Variants in RYR3 observed in about 807,000 individuals in gnomAD.
RYR3 encodes brain ryanodine receptor-calcium release channel.
RYR3 carries 207 observed loss-of-function variants against 584.3 expected under a neutral mutation model. The observed-to-expected ratio is 0.35, with a 90% CI of 0.32 to 0.40. The LOEUF (loss-of-function observed/expected upper bound fraction) is 0.40. Among genes scored for constraint, RYR3 ranks in the 10% least tolerant of loss-of-function variants. The probability of loss-of-function intolerance (pLI) is 1.00; values close to 1 mark genes in which losing one functional copy is unlikely to be tolerated. For missense variants in RYR3, 5,616 were observed against 6,089.2 expected, an observed-to-expected ratio of 0.92 and a Z score of 2.59; for synonymous variants, 2,416 against 2,248.5, an observed-to-expected ratio of 1.07 and a Z score of -2.11.
rs267604156 is a variant in RYR3 at position 33,543,622 on chromosome 15, G to A, written c.647G>A (p.Gly216Glu). The A allele has an allele frequency of 1.3e-6, 2 of 1,585,192 alleles. No homozygotes were observed. Among genetic ancestry groups the A allele is most frequent in the Non-Finnish European group, 1.7e-6 (2 of 1,153,838 alleles). The change falls in exon 8 of 104, where the codon GGA becomes GAA. Residue 216 changes from glycine (G) to glutamate (E), a missense_variant and splice_region_variant. This residue lies in a region of RYR3 where 1,284 missense variants were observed against 1,344.6 expected (regional missense o/e 0.95). Transcript: ENST00000634891. ...ACAGTAGAATATAATTCTCTTACAGGATACCTACTTGGTGGGCATGTAGTA... is the reference window on the plus strand; with the variant it reads ...ACAGTAGAATATAATTCTCTTACAGAATACCTACTTGGTGGGCATGTAGTA... ...PTCSGSSIEE[G>E]YLLGGHVVRL...
chr15:33,654,696 A>T (rs2062719753), intron 32 of RYR3, among the ~76,000 whole-genome samples: 1 of 152,134 alleles, frequency 6.6e-6, no homozygotes, highest in African/African-American at 2.4e-5. Flanking sequence ...TAGATAGGAA[A>T]TGGGGAGCCA....
At chr15:33,348,111 A>G (rs1322229592) in intron 1 of RYR3, among the ~76,000 whole-genome samples, 1 of 152,182 alleles carries the variant, frequency 6.6e-6, no homozygotes, top group Non-Finnish European at 1.5e-5. Flanking sequence ...ATACATTATC[A>G]CATGGATTAT....
At chr15:33,338,008 G>A (rs1446788550) in intron 1 of RYR3, among the ~76,000 whole-genome samples, 1 of 144,366 alleles carries the variant, frequency 6.9e-6, no homozygotes, top group Non-Finnish European at 1.5e-5. Context: ...GCAGTGGCGC[G>A]ATCTTGGCTC....
chr15:33,671,908 G>A (rs186975930), intron 38 of RYR3, among the ~76,000 whole-genome samples: 6 of 146,052 alleles, frequency 4.1e-5, no homozygotes, highest in Admixed American at 2.8e-4. Context: ...TCCACCTCAC[G>A]GTTCAAGCGA....
At chr15:33,854,489 G>C (rs779211749) in intron 97 of RYR3, 40 bp downstream of exon 97, 23 of 1,487,638 alleles carry the variant, frequency 1.5e-5, no homozygotes, top group Middle Eastern at 1.7e-4. Flanking sequence ...CTATACCCCA[G>C]TTCAGGGATG....
intron 1 of RYR3, among the ~76,000 whole-genome samples, chr15:33,440,142 T>A (rs1359243490): frequency 6.6e-6 from 1 of 151,996 alleles, no homozygotes; most frequent in Non-Finnish European, 1.5e-5. Flanking sequence ...TAAAAATTAA[T>A]GGGGCATAGC....
At chr15:33,599,765 C>T (rs569424374) in intron 16 of RYR3, among the ~76,000 whole-genome samples, 13 of 152,312 alleles carry the variant, frequency 8.5e-5, no homozygotes, top group African/African-American at 2.6e-4. Context: ...TATCTCCATT[C>T]CCCAGTTTTA....
intron 8 of RYR3, among the ~76,000 whole-genome samples, chr15:33,545,768 C>T (rs2056191287): frequency 6.6e-6 from 1 of 152,132 alleles, no homozygotes; most frequent in Non-Finnish European, 1.5e-5. Context: ...GAATAGGAAA[C>T]AGCACACTAA....
At chr15:33,565,001 AGAAT>A in intron 11 of RYR3, among the ~76,000 whole-genome samples, 1 of 152,338 alleles carries the variant, frequency 6.6e-6, no homozygotes, top group South Asian at 2.1e-4. Flanking sequence ...GAGCACAAAC[AGAAT>A]GAAACACCTG....
chr15:33,669,857 G>T (rs11638253), intron 37 of RYR3, among the ~76,000 whole-genome samples: 14,046 of 60,246 alleles, frequency 0.23, 3,044 homozygotes, highest in East Asian at 0.39. Flanking sequence ...GGGGGGGGGG[G>T]GTGTGGGTGT....
intron 38 of RYR3, among the ~76,000 whole-genome samples, chr15:33,686,851 C>G (rs1057156360): frequency 6.6e-6 from 1 of 152,138 alleles, no homozygotes; most frequent in African/African-American, 2.4e-5. Flanking sequence ...TGCAGAAAAG[C>G]CTTCGACAAA....
chr15:33,464,960 C>G (rs2048368056), intron 1 of RYR3, among the ~76,000 whole-genome samples: 1 of 152,156 alleles, frequency 6.6e-6, no homozygotes, highest in African/African-American at 2.4e-5. Context: ...TATTTAAGAT[C>G]CCATAAAAAG....
chr15:33,593,611 G>A lies in RYR3; in HGVS notation c.1788+7495G>A, dbSNP rs115743108. Among the ~76,000 whole-genome samples the A allele has an allele frequency of 5.5e-3, 844 of 152,246 alleles. 8 individuals are homozygous for A. Among genetic ancestry groups the A allele is most frequent in the African/African-American group, 0.019 (797 of 41,542 alleles). ...AAGTTGTCTGGCTTCGGTACACAGG[G>A]TTTTAAGAAAGCACAACTTAGTTTT... On this transcript the variant is annotated intron_variant, in intron 16 of 103. Coordinates refer to ENST00000634891, the MANE Select transcript of RYR3 (RefSeq NM_001036.6).
chr15:33,747,761 A>C (rs1369629197), intron 53 of RYR3, among the ~76,000 whole-genome samples: 1 of 152,064 alleles, frequency 6.6e-6, no homozygotes, highest in Non-Finnish European at 1.5e-5. Flanking sequence ...ATCTTTCCCA[A>C]ACTCACAGGA....
At chr15:33,435,897 T>TG (rs2045680435) in intron 1 of RYR3, among the ~76,000 whole-genome samples, 1 of 152,162 alleles carries the variant, frequency 6.6e-6, no homozygotes, top group African/African-American at 2.4e-5. Context: ...CTGGCTGGGG[T>TG]GGCAGCTTTT....
At chr15:33,372,805 C>A (rs1435688475) in intron 1 of RYR3, among the ~76,000 whole-genome samples, 1 of 152,202 alleles carries the variant, frequency 6.6e-6, no homozygotes, top group Non-Finnish European at 1.5e-5. Context: ...AGCGCCCTGC[C>A]CATAAAGCTT....
chr15:33,818,489 T>C, intron 75 of RYR3, 89 bp from the exon 76 acceptor site: 1 of 906,470 alleles, frequency 1.1e-6, no homozygotes, highest in East Asian at 2.5e-5. Flanking sequence ...ACTCTGTGCC[T>C]TGCGCTTTAC....
intron 1 of RYR3, among the ~76,000 whole-genome samples, chr15:33,432,605 CT>C (rs59006387): frequency 2.4e-3 from 313 of 128,976 alleles, no homozygotes; most frequent in East Asian, 0.019. Context: ...TTTTTTCTTT[CT>C]TTTTTTTTTT....
chr15:33,558,159 C>T (rs2057192501), intron 10 of RYR3, among the ~76,000 whole-genome samples: 1 of 152,060 alleles, frequency 6.6e-6, no homozygotes. Context: ...AGGTTTGTTA[C>T]ATATGTATAC....
Sources: gnomAD v4.1 joint callset for allele counts (sites outside exome capture counted in the v4.1 genomes callset) on GRCh38, gnomAD v4.1.1 for gene constraint, gnomAD v4.1.1 regional missense constraint, MANE v1.5 for transcripts, NCBI Gene and HGNC (gene_info 2026-07-23, HGNC 2026-07-21) for gene names.